Variants in GPC5 observed in about 807,000 individuals in gnomAD.
GPC5 encodes the protein glypican-5.
Under a neutral mutation model 53.9 loss-of-function variants are expected in GPC5, and 47 were observed. That is an observed-to-expected ratio of 0.87 (90% CI 0.69 to 1.11). The LOEUF is 1.11. Ranked by LOEUF, GPC5 falls within the 50% of genes most tolerant of loss-of-function variation. The pLI, the probability that GPC5 is intolerant of heterozygous loss-of-function variation, is 0.00. For missense variants in GPC5, 748 were observed against 713.1 expected (o/e 1.05, Z -0.56); for synonymous variants, 286 against 263.3 (o/e 1.09, Z -0.84).
At chr13:91,799,463 A>C (rs1207884171) in intron 5 of GPC5, among the ~76,000 whole-genome samples, 1 of 152,182 alleles carries the variant, frequency 6.6e-6, no homozygotes, top group Non-Finnish European at 1.5e-5. Context: ...AAACTTGTAC[A>C]TGTGTTCCCT....
At chr13:92,388,421 C>T (rs912078272) in intron 7 of GPC5, among the ~76,000 whole-genome samples, 5 of 151,994 alleles carry the variant, frequency 3.3e-5, no homozygotes, top group Non-Finnish European at 1.5e-5. Context: ...GTGATTGTGA[C>T]CCACTCAGTG....
At chr13:92,738,842 G>A (rs2139308013) in intron 7 of GPC5, among the ~76,000 whole-genome samples, 1 of 152,142 alleles carries the variant, frequency 6.6e-6, no homozygotes, top group South Asian at 2.1e-4. Context: ...ACCCCCTTGA[G>A]AATTTACATG....
chr13:91,632,151 T>C (rs1302225779), intron 2 of GPC5, among the ~76,000 whole-genome samples: 1 of 152,168 alleles, frequency 6.6e-6, no homozygotes, highest in Non-Finnish European at 1.5e-5. Flanking sequence ...TCCCTTGAGA[T>C]TGAGTTGGCT....
At chr13:92,505,693 C>T (rs887488608) in intron 7 of GPC5, among the ~76,000 whole-genome samples, 11 of 152,170 alleles carry the variant, frequency 7.2e-5, no homozygotes, top group Middle Eastern at 6.8e-3. Flanking sequence ...TTGCCAAAAA[C>T]TTGAAATAAC....
chr13:92,818,544 G>T (rs573647649), intron 7 of GPC5, among the ~76,000 whole-genome samples: 2 of 151,896 alleles, frequency 1.3e-5, no homozygotes, highest in Non-Finnish European at 2.9e-5. Flanking sequence ...TGGAAGTAGG[G>T]TCTAACAGCT....
chr13:92,601,258 C>T (rs1884040777), intron 7 of GPC5, among the ~76,000 whole-genome samples: 1 of 151,886 alleles, frequency 6.6e-6, no homozygotes, highest in African/African-American at 2.4e-5. Flanking sequence ...TTTTGAAGAA[C>T]AAGAAACACA....
chr13:91,757,128 G>A (rs922543693), intron 5 of GPC5, among the ~76,000 whole-genome samples: 1 of 151,942 alleles, frequency 6.6e-6, no homozygotes, highest in Admixed American at 6.6e-5. Context: ...TCCTGAGCTT[G>A]AGAAAGTCAT....
chr13:92,485,474 A>G (rs917179019), intron 7 of GPC5, among the ~76,000 whole-genome samples: 1 of 152,162 alleles, frequency 6.6e-6, no homozygotes, highest in Non-Finnish European at 1.5e-5. Flanking sequence ...TTAAGATAAC[A>G]TCACAAGTTC....
intron 1 of GPC5, among the ~76,000 whole-genome samples, chr13:91,446,468 T>G (rs1251944598): frequency 6.6e-6 from 1 of 152,196 alleles, no homozygotes; most frequent in African/African-American, 2.4e-5. Context: ...GCCTGGGTTG[T>G]GTACTCTTGC....
intron 2 of GPC5, among the ~76,000 whole-genome samples, chr13:91,560,787 T>TA (rs5805705): frequency 6.6e-5 from 10 of 150,570 alleles, no homozygotes; most frequent in East Asian, 2.0e-4. Context: ...ATGTTATAAT[T>TA]AAAAAAAAAA....
intron 6 of GPC5, among the ~76,000 whole-genome samples, chr13:92,105,040 G>A (rs544037518): frequency 6.6e-6 from 1 of 152,066 alleles, no homozygotes; most frequent in South Asian, 2.1e-4. Flanking sequence ...AGCATCAGAA[G>A]CTTTGTTTTT....
chr13:92,004,737 A>G (rs1260327058), intron 6 of GPC5, among the ~76,000 whole-genome samples: 2 of 151,972 alleles, frequency 1.3e-5, no homozygotes, highest in South Asian at 2.1e-4. Context: ...TGGAAGGTGA[A>G]AAGCACATCT....
intron 7 of GPC5, among the ~76,000 whole-genome samples, chr13:92,208,212 G>T (rs997664994): frequency 5.3e-5 from 8 of 152,172 alleles, no homozygotes; most frequent in African/African-American, 1.9e-4. Context: ...TTGGAACGGG[G>T]TTCTTCCGAT....
At chr13:92,456,197 C>G (rs774564910) in intron 7 of GPC5, among the ~76,000 whole-genome samples, 2 of 152,100 alleles carry the variant, frequency 1.3e-5, no homozygotes, top group Non-Finnish European at 2.9e-5. Context: ...AGGTCCTTTC[C>G]TTTCTGCTGT....
chr13:92,357,093 A>G (rs1357480533), intron 7 of GPC5, among the ~76,000 whole-genome samples: 1 of 149,304 alleles, frequency 6.7e-6, no homozygotes, highest in Non-Finnish European at 1.5e-5. Flanking sequence ...TATATGTACC[A>G]CAATTTCTTT....
At chr13:92,129,160 T>A (rs1179284990) in intron 6 of GPC5, among the ~76,000 whole-genome samples, 2 of 152,090 alleles carry the variant, frequency 1.3e-5, no homozygotes, top group African/African-American at 2.4e-5. Flanking sequence ...TCCAACAGAA[T>A]TTTGAGACTA....
chr13:92,408,959 G>T (rs1258734648), intron 7 of GPC5, among the ~76,000 whole-genome samples: 1 of 152,024 alleles, frequency 6.6e-6, no homozygotes, highest in Non-Finnish European at 1.5e-5. Flanking sequence ...CAGGTATATA[G>T]CTTGTGATAA....
intron 2 of GPC5, among the ~76,000 whole-genome samples, chr13:91,660,032 G>T (rs2034948221): frequency 6.6e-6 from 1 of 152,214 alleles, no homozygotes; most frequent in Non-Finnish European, 1.5e-5. Context: ...GCTTCAGGTT[G>T]TTAGAGGCTG....
Position 92,379,069 on chromosome 13 carries a change from G to A in GPC5, c.1561+234080G>A, listed in dbSNP as rs147350805. 9.8e-5 allele frequency among the ~76,000 whole-genome samples: 15 copies of A among 152,298 alleles called. No homozygotes were observed. In the East Asian group the frequency reaches 2.7e-3, roughly 28 times the overall value. ...AGGTAACCCAGTTTTGAAGCTCAGTGATATTGAGTAACTGGTCAAAGATTA... is the reference window on the plus strand; with the variant it reads ...AGGTAACCCAGTTTTGAAGCTCAGTAATATTGAGTAACTGGTCAAAGATTA... On this transcript the variant is annotated intron_variant, in intron 7 of 7. Transcript: ENST00000377067.
Sources: allele counts gnomAD v4.1 joint callset (sites outside exome capture counted in the v4.1 genomes callset), GRCh38; gene constraint gnomAD v4.1.1; transcripts MANE v1.5; gene names NCBI Gene and HGNC (gene_info 2026-07-23, HGNC 2026-07-21).